Variants in CLASP2 observed in about 807,000 individuals in gnomAD.
CLASP2 encodes the protein cytoplasmic linker associated protein 2.
CLASP2 carries 47 observed loss-of-function variants against 194.4 expected under a neutral mutation model. That is an observed-to-expected ratio of 0.24 (90% CI 0.19 to 0.31). The LOEUF (loss-of-function observed/expected upper bound fraction) is 0.31, where lower values mean the gene tolerates loss of function less well. Ranked by LOEUF, CLASP2 falls within the 10% of genes least tolerant of loss-of-function variation. The pLI is 1.00. For synonymous variants in CLASP2, 619 were observed against 633.5 expected, an observed-to-expected ratio of 0.98 and a Z score of 0.34; for missense variants, 1,445 against 1,823.6, an observed-to-expected ratio of 0.79 and a Z score of 3.78.
At chr3:33,518,620 A>G (rs2052111499) in intron 34 of CLASP2, among the ~76,000 whole-genome samples, 1 of 152,252 alleles carries the variant, frequency 6.6e-6, no homozygotes, top group Non-Finnish European at 1.5e-5. Context: ...GGAAATTTAT[A>G]ACTTATCAGA....
intron 2 of CLASP2, among the ~76,000 whole-genome samples, chr3:33,690,154 A>T (rs956253686): frequency 6.6e-6 from 1 of 152,246 alleles, no homozygotes; most frequent in Non-Finnish European, 1.5e-5. Context: ...TTAAAAAAAC[A>T]GCAAAACTAA....
intron 12 of CLASP2, among the ~76,000 whole-genome samples, chr3:33,613,117 T>G (rs9880215): frequency 0.073 from 11,041 of 152,176 alleles, 1,091 homozygotes; most frequent in African/African-American, 0.23. Flanking sequence ...GTGAATGCAT[T>G]AAAATATCAC....
At chr3:33,544,634 A>C in intron 31 of CLASP2, 64 bp downstream of exon 31, 1 of 1,448,786 alleles carries the variant, frequency 6.9e-7, no homozygotes, top group South Asian at 1.3e-5. Context: ...CGTATAAAAG[A>C]AAGCAATTAT....
At chr3:33,622,763 G>C (rs1278576375) in intron 10 of CLASP2, among the ~76,000 whole-genome samples, 8 of 151,742 alleles carry the variant, frequency 5.3e-5, no homozygotes, top group African/African-American at 1.9e-4. Context: ...ATTTTTAAAA[G>C]TGCCAAATTT....
intron 1 of CLASP2, among the ~76,000 whole-genome samples, chr3:33,710,270 C>G (rs2092933551): frequency 6.6e-6 from 1 of 152,112 alleles, no homozygotes; most frequent in South Asian, 2.1e-4. Context: ...CAAAACCAAG[C>G]AAAACTGTTG....
intron 8 of CLASP2, chr3:33,644,536 CAAG>C (rs2081953302): frequency 1.8e-6 from 1 of 552,848 alleles, no homozygotes; most frequent in Non-Finnish European, 3.2e-6. Flanking sequence ...TAAATACCCT[CAAG>C]AAGAGACTAA....
intron 8 of CLASP2, among the ~76,000 whole-genome samples, chr3:33,640,442 A>C (rs961322991): frequency 6.6e-6 from 1 of 152,188 alleles, no homozygotes; most frequent in Admixed American, 6.5e-5. Flanking sequence ...GCAATTACCT[A>C]ATTATAAGAA....
chr3:33,544,573 A>T, intron 31 of CLASP2, 125 bp downstream of exon 31: 1 of 813,806 alleles, frequency 1.2e-6, no homozygotes, highest in South Asian at 2.1e-5. Flanking sequence ...TGCTCAGGAA[A>T]TGCTGCCAAA....
In CLASP2 at chr3:33,615,508, A is replaced by G. The variant is rs897116504; in HGVS notation, c.1318-3437T>C. ...TAAAGTACATATATCAAGAACTGTT[A>G]GAAAAATGAAATTGACAAAATTAGA... is the stretch of plus-strand genomic sequence containing the variant. On this transcript the variant is annotated intron_variant, in intron 12 of 38. Coordinates refer to ENST00000682230, the MANE Select transcript of CLASP2 (RefSeq NM_001365631.1). 3.3e-5 allele frequency among the ~76,000 whole-genome samples: 5 copies of G among 151,952 alleles called. No homozygotes were observed. In the South Asian group the frequency reaches 1.0e-3, roughly 31 times the overall value.
chr3:33,547,653 A>G (rs2059359477), intron 30 of CLASP2, among the ~76,000 whole-genome samples: 1 of 152,182 alleles, frequency 6.6e-6, no homozygotes, highest in Non-Finnish European at 1.5e-5. Context: ...GTCTCATAGA[A>G]TAAACTGGGA....
At chr3:33,713,660 C>T (rs1260410289) in intron 1 of CLASP2, among the ~76,000 whole-genome samples, 1 of 152,038 alleles carries the variant, frequency 6.6e-6, no homozygotes, top group Non-Finnish European at 1.5e-5. Context: ...CATAGCGCTA[C>T]ATAGTTATAA....
intron 12 of CLASP2, among the ~76,000 whole-genome samples, chr3:33,615,806 GAAC>G (rs2076057471): frequency 6.6e-6 from 1 of 151,658 alleles, no homozygotes. Context: ...ATGACAATAA[GAAC>G]AAAAGCACCA....
At chr3:33,674,471 C>T (rs1039844619) in intron 6 of CLASP2, among the ~76,000 whole-genome samples, 6 of 150,200 alleles carry the variant, frequency 4.0e-5, no homozygotes, top group Non-Finnish European at 5.9e-5. Context: ...TAAATGCCCA[C>T]GAGAGAAAGC....
intron 23 of CLASP2, among the ~76,000 whole-genome samples, chr3:33,580,178 G>A (rs1011196697): frequency 6.6e-6 from 1 of 152,196 alleles, no homozygotes; most frequent in Admixed American, 6.5e-5. Context: ...GCATATTCCT[G>A]TGATTCTAGC....
chr3:33,569,265 C>T (rs2063328681), intron 26 of CLASP2, among the ~76,000 whole-genome samples: 1 of 152,140 alleles, frequency 6.6e-6, no homozygotes, highest in Admixed American at 6.5e-5. Flanking sequence ...AAAAGTTTGT[C>T]TTTATCACTA....
intron 37 of CLASP2, among the ~76,000 whole-genome samples, chr3:33,505,738 T>C (rs2154078581): frequency 6.6e-6 from 1 of 152,318 alleles, no homozygotes; most frequent in South Asian, 2.1e-4. Context: ...ACATTATGTG[T>C]CATTCAATGA....
chr3:33,551,200 A>C, intron 30 of CLASP2, 52 bp downstream of exon 30: 3 of 1,517,894 alleles, frequency 2.0e-6, no homozygotes, highest in Non-Finnish European at 2.7e-6. Flanking sequence ...GCAATCCATA[A>C]TAACTGACTT....
chr3:33,516,275 G>T, intron 35 of CLASP2, 124 bp from the exon 36 acceptor site: 1 of 710,156 alleles, frequency 1.4e-6, no homozygotes, highest in Non-Finnish European at 2.1e-6. Flanking sequence ...CATAAAGTAT[G>T]CGGTATACTA....
intron 4 of CLASP2, 33 bp downstream of exon 4, chr3:33,688,244 A>T (rs1575598505): frequency 6.8e-7 from 1 of 1,470,638 alleles, no homozygotes; most frequent in East Asian, 2.5e-5. Context: ...AATAAAAAAC[A>T]AGACAGTTAT....
Sources: allele counts gnomAD v4.1 joint callset (sites outside exome capture counted in the v4.1 genomes callset), GRCh38; gene constraint gnomAD v4.1.1; transcripts MANE v1.5; gene names NCBI Gene and HGNC (gene_info 2026-07-23, HGNC 2026-07-21).